Variants in INTS1 observed in about 807,000 individuals in gnomAD.
INTS1 encodes integrator complex subunit 1.
In INTS1, 137 loss-of-function variants were observed where a neutral mutation model predicts 241.6. The ratio of observed to expected loss-of-function variants is 0.57; its 90% CI spans 0.49 to 0.65. INTS1 has a LOEUF of 0.65. Among genes scored for constraint, INTS1 ranks in the 30% least tolerant of loss-of-function variants. The probability of loss-of-function intolerance (pLI) is 0.00; values close to 1 mark genes in which losing one functional copy is unlikely to be tolerated. For missense variants in INTS1, 3,073 were observed against 3,032.2 expected, an observed-to-expected ratio of 1.01 and a Z score of -0.32; for synonymous variants, 1,692 against 1,337.8, an observed-to-expected ratio of 1.26 and a Z score of -5.78.
In INTS1 at chr7:1,470,964, C is replaced by T; in HGVS notation, c.6348-9G>A. 6.4e-7 allele frequency: 1 copy of T among 1,553,736 alleles called. No homozygotes were observed. The highest frequency in any genetic ancestry group is 8.7e-7 in the Non-Finnish European group (1 of 1,148,694). On this transcript the variant is annotated splice_polypyrimidine_tract_variant and intron_variant, in intron 46 of 47. Coordinates refer to ENST00000404767, the MANE Select transcript of INTS1 (RefSeq NM_001080453.3). ...GGAAAGCGGCTGCAATGCTGAAAGA[C>T]CCACACACTTCAGTGGGAACCTCCA...
chr7:1,485,083 AC>A lies in INTS1; in HGVS notation c.3261+14del. The A allele has an allele frequency of 1.4e-6, 2 of 1,474,502 alleles. No individual in the cohort carries two copies. The highest frequency in any genetic ancestry group is 1.8e-6 in the Non-Finnish European group (2 of 1,107,212). The allele number at this position is 1,474,502 out of a possible 1,614,324, so 91.3% of individuals were successfully genotyped here. Reference sequence around the variant, plus strand: ...CTCCCCAGGGCCACACTGCTGGCTGACCCTGCTGCCTCACCAGGGCCAGGTC... The same window carrying A: ...CTCCCCAGGGCCACACTGCTGGCTGACCTGCTGCCTCACCAGGGCCAGGTC... On this transcript the variant is annotated intron_variant, in intron 24 of 47. Transcript: ENST00000404767.
chr7:1,477,404 GGGTTGCTAC>G (rs1434903672), intron 35 of INTS1, 137 bp downstream of exon 35: 46 of 919,418 alleles, frequency 5.0e-5, no homozygotes, highest in Non-Finnish European at 6.0e-5. Flanking sequence ...CCCTTCCTCT[GGGTTGCTAC>G]AGGGACACAT....
At chr7:1,498,901 A>G in intron 8 of INTS1, 49 bp from the exon 9 acceptor site, 2 of 1,552,950 alleles carry the variant, frequency 1.3e-6, no homozygotes, top group South Asian at 2.4e-5. Context: ...CCCGGCAGGA[A>G]GACCACGCTG....
chr7:1,485,918 C>G (rs558575551), intron 22 of INTS1, among the ~76,000 whole-genome samples: 2 of 152,322 alleles, frequency 1.3e-5, no homozygotes, highest in African/African-American at 4.8e-5. Flanking sequence ...CTCAGCCTCC[C>G]AAGTGGCTTG....
rs534110255 is a variant in INTS1, at chr7:1,470,500, C to G, written c.*77G>C. 8.6e-7 allele frequency: 1 copy of G among 1,168,098 alleles called. No homozygotes were observed. Among genetic ancestry groups the G allele is most frequent in the South Asian group, 1.5e-5 (1 of 66,424 alleles). 72.4% of individuals were successfully genotyped at this position (1,168,098 alleles called of 1,614,324 possible). A position where few individuals can be genotyped will look rare whatever the true frequency, so the allele number is the denominator to read the frequency against. On this transcript the variant is annotated 3_prime_UTR_variant, in exon 48 of 48. Transcript: ENST00000404767. ...TCCTCGGACAGACCAGCAACGCCCA[C>G]GCTTCCTGGGCTTTGCCTCGAGGAT...
intron 14 of INTS1, 32 bp downstream of exon 14, chr7:1,494,784 C>A (rs1418390408): frequency 1.3e-6 from 2 of 1,547,412 alleles, no homozygotes; most frequent in Admixed American, 2.0e-5. Context: ...CCCAGCCCGG[C>A]ACACAGGAGC....
Position 1,479,504 on chromosome 7 carries a change from C to T in INTS1, c.4255G>A (p.Gly1419Ser), listed in dbSNP as rs761392257. Residue 1419 changes from glycine (G) to serine (S), a missense_variant, in exon 31 of 48, where the codon GGT becomes AGT. Transcript: ENST00000404767. ...LATLLSSPHGGALVMSMHRSH... is the reference protein window; with the variant it reads ...LATLLSSPHGSALVMSMHRSH... ...CGGTGCATGGACATCACCAGGGCAC[C>T]GCCGTGTGGGGAGCTGAGCAGGGTG... 15 of 1,571,568 alleles carry T rather than the reference C, an allele frequency of 9.5e-6. No individual in the cohort carries two copies. Among genetic ancestry groups the T allele is most frequent in the South Asian group, 7.0e-5 (6 of 85,440 alleles).
intron 3 of INTS1, among the ~76,000 whole-genome samples, chr7:1,502,156 A>G (rs1783214752): frequency 6.6e-6 from 1 of 152,128 alleles, no homozygotes; most frequent in Non-Finnish European, 1.5e-5. Context: ...CCTCACTACC[A>G]AAGTCATCAG....
chr7:1,499,779 T>C, intron 5 of INTS1, 105 bp downstream of exon 5: 1 of 1,478,746 alleles, frequency 6.8e-7, no homozygotes, highest in Non-Finnish European at 9.1e-7. Flanking sequence ...CCACCAGGGC[T>C]GTCAGACACA....
At position 1,500,350 on chromosome 7, in the gene INTS1, C is replaced by T. The variant is rs1428625707; in HGVS notation, c.366G>A (p.Leu122=). 1 of 1,579,290 alleles carries T rather than the reference C, an allele frequency of 6.3e-7. No individual in the cohort carries two copies. Among genetic ancestry groups the T allele is most frequent in the East Asian group, 2.3e-5 (1 of 43,790 alleles). ...VVPIEVLPTV[L]LDEIEAAELE... ...GCTCGGCCGCCTCGATCTCATCCAG[C>T]AGCACCGTGGGCAGCACTGGCCGGG... The change falls in exon 4 of 48, where the codon CTG becomes CTA. Residue 122 remains leucine, a synonymous_variant. Transcript: ENST00000404767.
In INTS1 at chr7:1,473,679, G is replaced by A; in HGVS notation, c.5844C>T (p.Ser1948=). The change falls in exon 42 of 48, where the codon TCC becomes TCT. Residue 1948 remains serine (S), a synonymous_variant. Coordinates refer to ENST00000404767, the MANE Select transcript of INTS1 (RefSeq NM_001080453.3). The part of the protein sequence containing the change: ...FIRLLLNYRK[S]SRHLAAFINK... ...TGATGAAGGCAGCCAGATGGCGGGA[G>A]GACTTCCTGTAATTCTGCAAAGCAA... The A allele has an allele frequency of 6.2e-7, 1 of 1,613,236 alleles. No homozygotes were observed.
intron 46 of INTS1, 85 bp downstream of exon 46, chr7:1,471,048 G>C: frequency 3.3e-6 from 5 of 1,514,096 alleles, no homozygotes; most frequent in Non-Finnish European, 4.5e-6. Context: ...TGGAAGCCTG[G>C]TCTGGCCACC....
rs559001672 is a variant in INTS1, at chr7:1,473,515, C to G, written c.5957+51G>C. Reference sequence around the variant, plus strand: ...TCCCAGGAACACCCTCCAGACCCCGCTGGACCCTCGCCGGAGGCCCGAGGC... The same window carrying G: ...TCCCAGGAACACCCTCCAGACCCCGGTGGACCCTCGCCGGAGGCCCGAGGC... On this transcript the variant is annotated intron_variant, in intron 42 of 47. Transcript: ENST00000404767. 148 of 1,550,766 alleles carry G rather than the reference C, an allele frequency of 9.5e-5. No individual in the cohort carries two copies. The East Asian group carries it at 3.5e-3, about 37-fold the overall frequency.
chr7:1,477,607 G>C lies in INTS1; in HGVS notation c.4881C>G (p.Pro1627=). 6.4e-7 allele frequency: 1 copy of C among 1,574,298 alleles called. No homozygotes were observed. Among genetic ancestry groups the C allele is most frequent in the Non-Finnish European group, 8.6e-7 (1 of 1,161,742 alleles). Residue 1627 remains proline, a synonymous_variant, in exon 35 of 48, where the codon CCC becomes CCG. Coordinates refer to ENST00000404767, the MANE Select transcript of INTS1 (RefSeq NM_001080453.3). ...GGTCGGGGCAGCTGCTGACCACCTC[G>C]GGGTCCAGCATTTCCAGCCAGTCCA... ...LLVDWLEMLD[P]EVVSSCPDLQ... is the part of the protein sequence containing the mutation.
intron 43 of INTS1, 38 bp downstream of exon 43, chr7:1,473,034 C>CGCA (rs1781545156): frequency 7.0e-7 from 1 of 1,425,440 alleles, no homozygotes; most frequent in East Asian, 2.3e-5. Flanking sequence ...AGGACTGTTC[C>CGCA]GCAGCTGCTT....
chr7:1,471,211 C>T lies in INTS1; in HGVS notation c.6269G>A (p.Arg2090Gln), dbSNP rs573260428. 1.0e-5 allele frequency: 16 copies of T among 1,578,876 alleles called. No individual in the cohort carries two copies. The highest frequency in any genetic ancestry group is 5.8e-5 in the South Asian group (5 of 86,004). The part of the protein sequence containing the change: ...ILSFFSTNLQ[R>Q]LMSSAEECCR... ...ACACTCCTCGGCCGAGCTCATCAGC[C>T]GCTGCAGGTTGGTCTGACCGGGGGA... Residue 2090 changes from arginine (R) to glutamine (Q), a missense_variant, in exon 46 of 48, where the codon CGG (arginine) becomes CAG (glutamine). Physicochemically the swap from Arg to Gln is conservative, Grantham distance 43 (BLOSUM62 1). Transcript: ENST00000404767.
chr7:1,502,306 G>A (rs562773178), intron 3 of INTS1, among the ~76,000 whole-genome samples: 1 of 152,260 alleles, frequency 6.6e-6, no homozygotes, highest in Admixed American at 6.5e-5. Flanking sequence ...ACGGAGCCTT[G>A]AGAAATGGTC....
rs1189935054 is a variant in INTS1, at chr7:1,473,565, C to G, written c.5957+1G>C. 6.3e-7 allele frequency: 1 copy of G among 1,587,330 alleles called. No homozygotes were observed. Among genetic ancestry groups the G allele is most frequent in the Admixed American group, 1.8e-5 (1 of 54,988 alleles). On this transcript the variant is annotated splice_donor_variant, in intron 42 of 47. Transcript: ENST00000404767. LOFTEE classifies it high-confidence loss of function. Reference sequence around the variant, plus strand: ...CTTCCCTGCAGCCCGTGGGCACTCACTGGAGCGGGTCGGCGTGCTTCTGCA... The same window carrying G: ...CTTCCCTGCAGCCCGTGGGCACTCAGTGGAGCGGGTCGGCGTGCTTCTGCA...
intron 43 of INTS1, 150 bp from the exon 44 acceptor site, chr7:1,472,536 C>T: frequency 6.7e-6 from 4 of 596,436 alleles, no homozygotes; most frequent in Non-Finnish European, 1.2e-5. Flanking sequence ...TGGGGTGGAG[C>T]CAGGAGCCGG....
Sources: allele counts gnomAD v4.1 joint callset (sites outside exome capture counted in the v4.1 genomes callset), GRCh38; gene constraint gnomAD v4.1.1; transcripts MANE v1.5; gene names NCBI Gene and HGNC (gene_info 2026-07-23, HGNC 2026-07-21).